The following CORO1C variants were observed in gnomAD, a reference collection of about 807,000 sequenced individuals.
CORO1C encodes the protein coronin-1C.
CORO1C carries 14 observed loss-of-function variants against 51.2 expected under a neutral mutation model. The observed-to-expected ratio is 0.27, with a 90% confidence interval of 0.18 to 0.43. CORO1C has a LOEUF of 0.43. Ranked by LOEUF, CORO1C falls within the 20% of genes least tolerant of loss-of-function variation. The pLI is 1.00. For missense variants in CORO1C, 417 were observed against 607.8 expected (o/e 0.69, Z 3.30); for synonymous variants, 181 against 210.5 (o/e 0.86, Z 1.21).
intron 2 of CORO1C, chr12:108,696,534 C>T (rs575356398): frequency 6.6e-6 from 1 of 152,132 alleles, no homozygotes; most frequent in Non-Finnish European, 1.5e-5. Context: ...GTGGCTACTC[C>T]ACAAAGGAAA....
chr12:108,711,393 A>G (rs2035175826), intron 1 of CORO1C, among the ~76,000 whole-genome samples: 1 of 151,812 alleles, frequency 6.6e-6, no homozygotes, highest in Non-Finnish European at 1.5e-5. Flanking sequence ...CAAAAGAAAG[A>G]AAAGGGCCGG....
intron 3 of CORO1C, among the ~76,000 whole-genome samples, chr12:108,675,341 C>A (rs1450088099): frequency 6.6e-6 from 1 of 152,116 alleles, no homozygotes; most frequent in East Asian, 1.9e-4. Flanking sequence ...ATCAAAGACT[C>A]AAAGACTATG....
chr12:108,654,540 G>A, intron 6 of CORO1C, 130 bp from the exon 7 acceptor site: 1 of 545,864 alleles, frequency 1.8e-6, no homozygotes, highest in Non-Finnish European at 3.2e-6. Flanking sequence ...ACAGAAGTTT[G>A]AACTATGCAC....
intron 3 of CORO1C, among the ~76,000 whole-genome samples, chr12:108,670,897 A>G (rs138366985): frequency 7.0e-4 from 107 of 151,992 alleles, no homozygotes; most frequent in African/African-American, 2.5e-3. Flanking sequence ...AGACATCAAG[A>G]AAAAAATTAG....
intron 1 of CORO1C, among the ~76,000 whole-genome samples, chr12:108,703,279 G>A (rs570788224): frequency 2.0e-5 from 3 of 152,214 alleles, no homozygotes; most frequent in South Asian, 4.1e-4. Context: ...TAAATAAAAC[G>A]TTCTTACAAA....
At chr12:108,712,304 G>A (rs575293343) in intron 1 of CORO1C, among the ~76,000 whole-genome samples, 67 of 152,216 alleles carry the variant, frequency 4.4e-4, no homozygotes, top group African/African-American at 1.6e-3. Flanking sequence ...CGGGCAGGGC[G>A]GCTCACACCT....
intron 2 of CORO1C, among the ~76,000 whole-genome samples, chr12:108,691,157 G>T (rs537341312): frequency 6.6e-6 from 1 of 152,144 alleles, no homozygotes. Context: ...ACAAGCAAGA[G>T]GACTGCAGTA....
rs574255972 is a variant in CORO1C, at chr12:108,658,962, C to T, written c.449-43G>A. On this transcript the variant is annotated intron_variant, in intron 4 of 10. Transcript: ENST00000261401. This position sits in a 1 kb window ranked among gnomAD's most constrained non-coding sequence, Gnocchi z 4.9. ...ATCAGAGATTAGAAGATTAGAAACA[C>T]CTATGTAACACACTCAGAAAACTAC... The T allele has an allele frequency of 1.9e-6, 3 of 1,575,308 alleles. No homozygotes were observed. Among genetic ancestry groups the T allele is most frequent in the East Asian group, 2.3e-5 (1 of 44,200 alleles).
intron 3 of CORO1C, among the ~76,000 whole-genome samples, chr12:108,675,415 G>A (rs1053621195): frequency 3.3e-5 from 5 of 151,996 alleles, no homozygotes; most frequent in African/African-American, 4.8e-5. Context: ...CGAGAAAGTC[G>A]GCTTTGAGAT....
intron 10 of CORO1C, among the ~76,000 whole-genome samples, chr12:108,648,091 C>T (rs2032454789): frequency 6.6e-6 from 1 of 152,124 alleles, no homozygotes; most frequent in Admixed American, 6.5e-5. Flanking sequence ...CAATTCCCCA[C>T]CCAAAGGGCT....
intron 1 of CORO1C, among the ~76,000 whole-genome samples, chr12:108,728,382 A>G (rs1436595677): frequency 1.3e-5 from 2 of 152,180 alleles, no homozygotes; most frequent in African/African-American, 2.4e-5. Flanking sequence ...TACCACACAT[A>G]TAAACCTTGA....
intron 6 of CORO1C, among the ~76,000 whole-genome samples, chr12:108,655,348 C>A (rs2032895162): frequency 6.6e-6 from 1 of 150,912 alleles, no homozygotes; most frequent in Non-Finnish European, 1.5e-5. Context: ...ATAGTCCCCT[C>A]CCTCTCCCCT....
intron 1 of CORO1C, among the ~76,000 whole-genome samples, chr12:108,712,118 T>C (rs1045719728): frequency 2.6e-5 from 4 of 152,138 alleles, no homozygotes; most frequent in Non-Finnish European, 5.9e-5. Context: ...GGAAAGACCA[T>C]GTTTCCTCCA....
At chr12:108,699,482 G>T (rs2034796644) in intron 2 of CORO1C, among the ~76,000 whole-genome samples, 1 of 152,178 alleles carries the variant, frequency 6.6e-6, no homozygotes, top group African/African-American at 2.4e-5. Flanking sequence ...TATAAAAGGG[G>T]AAATAAAAAC....
chr12:108,707,100 G>A (rs1455031140), intron 1 of CORO1C, among the ~76,000 whole-genome samples: 1 of 152,132 alleles, frequency 6.6e-6, no homozygotes, highest in Non-Finnish European at 1.5e-5. Context: ...GCATTGAGAT[G>A]GCAATATTCC....
intron 1 of CORO1C, among the ~76,000 whole-genome samples, chr12:108,724,048 T>A (rs550037617): frequency 4.1e-4 from 63 of 152,340 alleles, no homozygotes; most frequent in Admixed American, 1.4e-3. Flanking sequence ...CCAAGAGATA[T>A]CATGTATTTT....
At chr12:108,705,836 C>T (rs1311843579) in intron 1 of CORO1C, among the ~76,000 whole-genome samples, 1 of 152,020 alleles carries the variant, frequency 6.6e-6, no homozygotes, top group Non-Finnish European at 1.5e-5. Flanking sequence ...AATCAATTAA[C>T]GTAACACATT....
At position 108,662,010 on chromosome 12, in the gene CORO1C, C is replaced by A. The variant is rs759620406; in HGVS notation, c.448+19G>T. The A allele has an allele frequency of 3.4e-5, 55 of 1,613,828 alleles. No homozygotes were observed. The highest frequency in any genetic ancestry group is 4.0e-5 in the Non-Finnish European group (47 of 1,179,928). ...CAAGAGTGGAAGACAAGGGGAGGAC[C>A]GCTGAGCTCAGCTCCCACCTGCACT... is the stretch of plus-strand genomic sequence containing the variant. On this transcript the variant is annotated intron_variant, in intron 4 of 10. Coordinates refer to ENST00000261401, the MANE Select transcript of CORO1C (RefSeq NM_014325.4).
At chr12:108,673,424 C>T (rs894984519) in intron 3 of CORO1C, among the ~76,000 whole-genome samples, 4 of 152,196 alleles carry the variant, frequency 2.6e-5, no homozygotes, top group Admixed American at 6.5e-5. Context: ...TAACGAAAGA[C>T]GCCATCTCCA....
Sources: gnomAD v4.1 joint callset for allele counts (sites outside exome capture counted in the v4.1 genomes callset) on GRCh38, gnomAD v4.1.1 for gene constraint, Gnocchi (gnomAD v3.1) non-coding constraint, MANE v1.5 for transcripts, NCBI Gene and HGNC (gene_info 2026-07-23, HGNC 2026-07-21) for gene names.